The following LUZP2 variants were observed in gnomAD, a reference collection of about 807,000 sequenced individuals.
The protein encoded by LUZP2 is leucine zipper protein 2.
A neutral mutation model predicts 51.6 loss-of-function variants in LUZP2; 52 were observed. The ratio of observed to expected loss-of-function variants is 1.01; its 90% CI spans 0.81 to 1.27. The LOEUF is 1.27. Ranked by LOEUF, LUZP2 falls within the 50% of genes most tolerant of loss-of-function variation. The pLI, the probability that LUZP2 is intolerant of heterozygous loss-of-function variation, is 0.00. For synonymous variants in LUZP2, 154 were observed against 137.3 expected (o/e 1.12, Z -0.85); for missense variants, 436 against 395.4 (o/e 1.10, Z -0.87).
chr11:24,532,999 A>T (rs1393731220), intron 1 of LUZP2, among the ~76,000 whole-genome samples: 1 of 151,236 alleles, frequency 6.6e-6, no homozygotes. Flanking sequence ...TTCTACAGTC[A>T]ATTTGTTCTT....
At chr11:24,810,603 G>T (rs1333091788) in intron 5 of LUZP2, among the ~76,000 whole-genome samples, 2 of 152,090 alleles carry the variant, frequency 1.3e-5, no homozygotes, top group African/African-American at 4.8e-5. Context: ...CTTCCTCGTG[G>T]GTGAGATAGA....
At chr11:24,951,578 A>G (rs1240777394) in intron 7 of LUZP2, among the ~76,000 whole-genome samples, 3 of 151,554 alleles carry the variant, frequency 2.0e-5, no homozygotes, top group African/African-American at 7.3e-5. Context: ...TTCGGAGCCA[A>G]TTATATTTTA....
chr11:24,895,946 G>C (rs147760535), intron 5 of LUZP2, among the ~76,000 whole-genome samples: 1 of 152,126 alleles, frequency 6.6e-6, no homozygotes, highest in Non-Finnish European at 1.5e-5. Context: ...ACCAATTTAC[G>C]TTCCCACCAA....
chr11:24,855,107 T>C (rs190667110), intron 5 of LUZP2, among the ~76,000 whole-genome samples: 8 of 152,236 alleles, frequency 5.3e-5, no homozygotes, highest in African/African-American at 1.7e-4. Flanking sequence ...TTTTATTCAA[T>C]ATACTACTGA....
At chr11:24,844,410 C>T (rs1001346231) in intron 5 of LUZP2, among the ~76,000 whole-genome samples, 2 of 152,158 alleles carry the variant, frequency 1.3e-5, no homozygotes, top group Non-Finnish European at 2.9e-5. Flanking sequence ...CAAGGGAAGA[C>T]TTGGATGCTG....
rs953864887 is a variant in LUZP2 at position 24,780,745 on chromosome 11, G to A, written c.396+17437G>A. 2.0e-5 allele frequency among the ~76,000 whole-genome samples: 3 copies of A among 152,086 alleles called. No homozygotes were observed. The East Asian group carries it at 5.8e-4, about 29-fold the overall frequency. ...CTTGTTTGTCTGTTCATTTTTAATG[G>A]AATGTCTTCAGGTGTGCAGAATTTA... On this transcript the variant is annotated intron_variant, in intron 5 of 11. Coordinates refer to ENST00000336930, the MANE Select transcript of LUZP2 (RefSeq NM_001009909.4).
intron 4 of LUZP2, among the ~76,000 whole-genome samples, chr11:24,743,636 C>T (rs1317008760): frequency 2.6e-5 from 4 of 151,996 alleles, no homozygotes; most frequent in Non-Finnish European, 5.9e-5. Flanking sequence ...CATCAGCAAA[C>T]AATGACAGTT....
At chr11:24,768,630 G>A (rs554858841) in intron 5 of LUZP2, among the ~76,000 whole-genome samples, 1 of 152,110 alleles carries the variant, frequency 6.6e-6, no homozygotes, top group South Asian at 2.1e-4. Context: ...ATTTACAAAT[G>A]CCCAAAAGGT....
At chr11:24,856,027 C>T (rs10742052) in intron 5 of LUZP2, among the ~76,000 whole-genome samples, 23,049 of 151,980 alleles carry the variant, frequency 0.15, 1,905 homozygotes, top group African/African-American at 0.2. Context: ...AGGAAAACTC[C>T]TTTGGACATC....
chr11:24,683,737 C>T (rs144366229), intron 1 of LUZP2, among the ~76,000 whole-genome samples: 1 of 152,312 alleles, frequency 6.6e-6, no homozygotes, highest in Non-Finnish European at 1.5e-5. Flanking sequence ...ACCTACACAT[C>T]ACCTACTCAG....
intron 5 of LUZP2, among the ~76,000 whole-genome samples, chr11:24,780,181 C>A (rs1849048130): frequency 1.3e-5 from 2 of 152,236 alleles, no homozygotes; most frequent in South Asian, 4.1e-4. Flanking sequence ...ATATTAATTA[C>A]TTAAGTGTGT....
At chr11:25,048,527 G>A (rs929293468) in intron 9 of LUZP2, among the ~76,000 whole-genome samples, 17 of 152,216 alleles carry the variant, frequency 1.1e-4, no homozygotes, top group African/African-American at 3.9e-4. Flanking sequence ...TTTACCAAAG[G>A]CATCTAAAAC....
chr11:24,784,605 G>T (rs1414236641), intron 5 of LUZP2, among the ~76,000 whole-genome samples: 1 of 151,816 alleles, frequency 6.6e-6, no homozygotes, highest in African/African-American at 2.4e-5. Context: ...ATTTTTGTTT[G>T]TTTTGCAAGG....
At chr11:24,877,400 A>G (rs1852306116) in intron 5 of LUZP2, among the ~76,000 whole-genome samples, 1 of 146,794 alleles carries the variant, frequency 6.8e-6, no homozygotes, top group Admixed American at 7.0e-5. Flanking sequence ...ATCAACCTCC[A>G]ACTCTAAGCT....
chr11:24,851,471 T>A (rs1187611630), intron 5 of LUZP2, among the ~76,000 whole-genome samples: 3 of 152,212 alleles, frequency 2.0e-5, no homozygotes, highest in African/African-American at 7.2e-5. Context: ...TCGTAGTGGA[T>A]AAGCTTTTTG....
At chr11:24,543,940 T>G (rs1448358329) in intron 1 of LUZP2, among the ~76,000 whole-genome samples, 1 of 151,864 alleles carries the variant, frequency 6.6e-6, no homozygotes, top group African/African-American at 2.4e-5. Flanking sequence ...GAGACATCAT[T>G]GAGCAGTTCG....
chr11:24,877,495 T>G (rs1852310630), intron 5 of LUZP2, among the ~76,000 whole-genome samples: 1 of 152,136 alleles, frequency 6.6e-6, no homozygotes. Flanking sequence ...ATTTGTGGGG[T>G]ACATGAGATG....
intron 9 of LUZP2, among the ~76,000 whole-genome samples, chr11:25,046,205 C>A (rs1858301264): frequency 8.3e-6 from 1 of 120,538 alleles, no homozygotes; most frequent in Admixed American, 1.0e-4. Context: ...TATACCATAC[C>A]ATGAGAGAAA....
intron 10 of LUZP2, among the ~76,000 whole-genome samples, chr11:25,053,294 C>T (rs1858579357): frequency 6.6e-6 from 1 of 151,992 alleles, no homozygotes; most frequent in South Asian, 2.1e-4. Flanking sequence ...TTTTGGTTAA[C>T]TTTTTTCTAT....
Sources: gnomAD v4.1 joint callset for allele counts (sites outside exome capture counted in the v4.1 genomes callset) on GRCh38, gnomAD v4.1.1 for gene constraint, MANE v1.5 for transcripts, NCBI Gene and HGNC (gene_info 2026-07-23, HGNC 2026-07-21) for gene names.